GRIP2: variants seen among roughly 807,000 people sequenced by gnomAD.
GRIP2 encodes the protein glutamate receptor-interacting protein 2.
In GRIP2, 58 loss-of-function variants were observed where a neutral mutation model predicts 108.3. The ratio of observed to expected loss-of-function variants is 0.54; its 90% CI spans 0.43 to 0.67. The LOEUF (loss-of-function observed/expected upper bound fraction) is 0.67. GRIP2 is among the 30% of genes least tolerant of loss of function. GRIP2 has a pLI of 0.00. For missense variants in GRIP2, 1,278 were observed against 1,430.6 expected (o/e 0.89, Z 1.72); for synonymous variants, 586 against 598.2 (o/e 0.98, Z 0.30).
chr3:14,517,642 C>T, intron 10 of GRIP2, 130 bp downstream of exon 10: 1 of 1,212,894 alleles, frequency 8.2e-7, no homozygotes, highest in Non-Finnish European at 1.2e-6. Context: ...GCTGGGACCA[C>T]AGGCGTGCAC....
the GRIP2 span, among the ~76,000 whole-genome samples, chr3:14,595,551 C>G: frequency 6.6e-6 from 1 of 152,152 alleles, no homozygotes; most frequent in Non-Finnish European, 1.5e-5. Flanking sequence ...ACTGAGGCCC[C>G]GAAAGGTCAG....
the GRIP2 span, among the ~76,000 whole-genome samples, chr3:14,562,397 C>G: frequency 6.6e-6 from 1 of 152,186 alleles, no homozygotes; most frequent in Non-Finnish European, 1.5e-5. Context: ...AGAAAAGAAT[C>G]ATGACTACAA....
the GRIP2 span, among the ~76,000 whole-genome samples, chr3:14,578,072 T>C: frequency 9.8e-5 from 15 of 152,362 alleles, no homozygotes; most frequent in African/African-American, 3.6e-4. Flanking sequence ...CAGACTCTCG[T>C]TGCCCTTCTC....
At chr3:14,537,202 T>A (rs948348698) in intron 1 of GRIP2, among the ~76,000 whole-genome samples, 3 of 152,186 alleles carry the variant, frequency 2.0e-5, no homozygotes, top group Non-Finnish European at 4.4e-5. Flanking sequence ...GGCCTTTGCA[T>A]CGGCTGTTCC....
chr3:14,570,106 G>A, the GRIP2 span, among the ~76,000 whole-genome samples: 1 of 152,196 alleles, frequency 6.6e-6, no homozygotes, highest in African/African-American at 2.4e-5. Context: ...TGTAGCAATG[G>A]GGTGAAGGTG....
At chr3:14,531,835 G>A (rs1323982092) in intron 1 of GRIP2, among the ~76,000 whole-genome samples, 5 of 152,192 alleles carry the variant, frequency 3.3e-5, no homozygotes, top group Non-Finnish European at 5.9e-5. Context: ...TCCTTTCTCA[G>A]TACTGGGCTG....
rs753019988 is a variant in GRIP2 at position 14,514,474 on chromosome 3, C to T, written c.1311G>A (p.Ser437=). ...CCGGCCCCACCGTGCTGGAGGCTAGCGACACTGTAGGACAGGTGGGCCCAG... is the reference window on the plus strand; with the variant it reads ...CCGGCCCCACCGTGCTGGAGGCTAGTGACACTGTAGGACAGGTGGGCCCAG... ...QRRREHKSSL[S]LASSTVGPGG... Residue 437 remains serine, a synonymous_variant, in exon 12 of 24, where the codon TCG becomes TCA. Transcript: ENST00000621039. The T allele has an allele frequency of 5.1e-6, 8 of 1,568,438 alleles. No homozygotes were observed. The highest frequency in any genetic ancestry group is 3.7e-5 in the Admixed American group (2 of 53,920).
the GRIP2 span, among the ~76,000 whole-genome samples, chr3:14,578,957 C>T: frequency 6.6e-6 from 1 of 151,972 alleles, no homozygotes; most frequent in Admixed American, 6.6e-5. Flanking sequence ...CCCAGCAATC[C>T]CACTCCTAGG....
At chr3:14,498,870 G>C (rs1015689675) in intron 21 of GRIP2, among the ~76,000 whole-genome samples, 1 of 152,252 alleles carries the variant, frequency 6.6e-6, no homozygotes, top group African/African-American at 2.4e-5. Context: ...GAGTGGAACT[G>C]TCTGGCTTAT....
intron 2 of GRIP2, 47 bp from the exon 3 acceptor site, chr3:14,525,619 C>G (rs989535523): frequency 6.2e-7 from 1 of 1,606,532 alleles, no homozygotes; most frequent in East Asian, 2.2e-5. Flanking sequence ...CTGGGGCCAC[C>G]CCAGGCCCCC....
Position 14,521,782 on chromosome 3 carries a change from C to T in GRIP2, c.572G>A (p.Gly191Asp). ...CAGCCTGTCGCCCACCTTCAGGGAGCCCTCCCTGTAGGGAAGGGCCAGTCA... is the reference window on the plus strand; with the variant it reads ...CAGCCTGTCGCCCACCTTCAGGGAGTCCTCCCTGTAGGGAAGGGCCAGTCA... ...VRPGGPADRE[G>D]SLKVGDRLLS... Residue 191 changes from glycine (G) to aspartate (D), a missense_variant, in exon 7 of 24, where the codon GGC becomes GAC. Physicochemically the swap from Gly to Asp is moderately conservative, Grantham distance 94 (BLOSUM62 -1). Transcript: ENST00000621039. This position sits in a 1 kb window ranked among gnomAD's most constrained non-coding sequence, Gnocchi z 5.1. 6.3e-7 allele frequency: 1 copy of T among 1,596,966 alleles called. No individual in the cohort carries two copies.
chr3:14,515,391 C>T (rs1161923091), intron 11 of GRIP2, among the ~76,000 whole-genome samples: 1 of 152,022 alleles, frequency 6.6e-6, no homozygotes, highest in Non-Finnish European at 1.5e-5. Flanking sequence ...TATGGCAACT[C>T]TATGTTTAAC....
intron 13 of GRIP2, 96 bp downstream of exon 13, chr3:14,513,569 G>A: frequency 7.0e-7 from 1 of 1,431,910 alleles, no homozygotes; most frequent in East Asian, 2.5e-5. Context: ...GCACAGAGGG[G>A]GATGGGGTGG....
At chr3:14,528,808 A>G (rs1366905046) in intron 1 of GRIP2, among the ~76,000 whole-genome samples, 3 of 152,116 alleles carry the variant, frequency 2.0e-5, no homozygotes, top group African/African-American at 7.2e-5. Flanking sequence ...CTTGCCATTC[A>G]TCTATATCTT....
At chr3:14,541,570 G>A (rs115630026), upstream of GRIP2, among the ~76,000 whole-genome samples, 5,103 of 152,286 alleles carry the variant, frequency 0.034, 314 homozygotes, top group African/African-American at 0.11. Flanking sequence ...CCAGCCCAAC[G>A]CTAGTGGCAC....
the GRIP2 span, among the ~76,000 whole-genome samples, chr3:14,571,702 A>C: frequency 6.6e-6 from 1 of 152,182 alleles, no homozygotes; most frequent in South Asian, 2.1e-4. Context: ...ATGAGGGAGT[A>C]CAGCTTGTTC....
the GRIP2 span, among the ~76,000 whole-genome samples, chr3:14,563,926 C>T: frequency 5.3e-5 from 8 of 152,268 alleles, no homozygotes; most frequent in East Asian, 7.7e-4. Flanking sequence ...CTTCACATGG[C>T]GACCGAGTGG....
intron 21 of GRIP2, among the ~76,000 whole-genome samples, 153 bp from the exon 22 acceptor site, chr3:14,496,713 G>A (rs944262336): frequency 6.6e-6 from 1 of 152,212 alleles, no homozygotes; most frequent in East Asian, 1.9e-4. Flanking sequence ...GTCCAACAGC[G>A]GTGGAGTGGG....
At chr3:14,582,314 T>C in the GRIP2 span, among the ~76,000 whole-genome samples, 2 of 152,188 alleles carry the variant, frequency 1.3e-5, no homozygotes, top group African/African-American at 2.4e-5. Flanking sequence ...CTCAAGTCAC[T>C]AGCCCAGTTT....
Sources: gnomAD v4.1 joint callset for allele counts (sites outside exome capture counted in the v4.1 genomes callset) on GRCh38, gnomAD v4.1.1 for gene constraint, Gnocchi (gnomAD v3.1) non-coding constraint, MANE v1.5 for transcripts, NCBI Gene and HGNC (gene_info 2026-07-23, HGNC 2026-07-21) for gene names.